MELK: variants seen among roughly 807,000 people sequenced by gnomAD.
MELK encodes maternal embryonic leucine zipper kinase.
Under a neutral mutation model 85.0 loss-of-function variants are expected in MELK, and 81 were observed. The observed-to-expected ratio is 0.95, with a 90% CI of 0.80 to 1.15. The LOEUF is 1.15. Among genes scored for constraint, MELK ranks in the 50% most tolerant of loss-of-function variants. The pLI is 0.00. For missense variants in MELK, 754 were observed against 777.5 expected, an observed-to-expected ratio of 0.97 and a Z score of 0.36; for synonymous variants, 252 against 265.0, an observed-to-expected ratio of 0.95 and a Z score of 0.48.
chr9:36,617,495 G>T (rs1826955828), intron 8 of MELK, among the ~76,000 whole-genome samples: 2 of 152,020 alleles, frequency 1.3e-5, no homozygotes, highest in South Asian at 4.2e-4. Context: ...ACCACACTTG[G>T]CTAATATTTT....
intron 7 of MELK, 32 bp downstream of exon 7, chr9:36,599,518 TCAG>T: frequency 6.5e-7 from 1 of 1,528,256 alleles, no homozygotes; most frequent in Non-Finnish European, 9.1e-7. Context: ...CATTATATAA[TCAG>T]CAGACATTTA....
chr9:36,602,636 C>T (rs1262841124), intron 7 of MELK, among the ~76,000 whole-genome samples: 2 of 149,888 alleles, frequency 1.3e-5, no homozygotes, highest in Admixed American at 1.3e-4. Context: ...CTTGGCTCAC[C>T]GCAACCTCAG....
At chr9:36,631,513 G>A (rs897412957) in intron 9 of MELK, among the ~76,000 whole-genome samples, 1 of 151,598 alleles carries the variant, frequency 6.6e-6, no homozygotes, top group East Asian at 1.9e-4. Flanking sequence ...TGATCCACCC[G>A]CCTTGGCCTC....
chr9:36,592,177 T>C (rs1212923779), intron 4 of MELK, among the ~76,000 whole-genome samples: 21 of 146,170 alleles, frequency 1.4e-4, no homozygotes, highest in South Asian at 2.2e-4. Context: ...CTTTTCTTTT[T>C]TTTTTTTTTT....
At chr9:36,575,013 G>C (rs1821500847) in intron 1 of MELK, among the ~76,000 whole-genome samples, 2 of 152,134 alleles carry the variant, frequency 1.3e-5, no homozygotes, top group Admixed American at 1.3e-4. Flanking sequence ...GCGCACACCT[G>C]TAATCCCAGC....
intron 11 of MELK, among the ~76,000 whole-genome samples, chr9:36,646,805 C>T (rs1371189367): frequency 6.6e-6 from 1 of 152,236 alleles, no homozygotes; most frequent in Non-Finnish European, 1.5e-5. Context: ...GTCTGTGCCC[C>T]TCTGCACTAG....
At chr9:36,673,863 TG>T (rs1833107560) in intron 16 of MELK, among the ~76,000 whole-genome samples, 1 of 152,248 alleles carries the variant, frequency 6.6e-6, no homozygotes. Context: ...GTTTTTTTGT[TG>T]TTGTTGTTAA....
At chr9:36,597,200 C>G (rs1482899203) in intron 5 of MELK, 22 bp from the exon 6 acceptor site, 5 of 1,595,220 alleles carry the variant, frequency 3.1e-6, no homozygotes, top group Non-Finnish European at 4.3e-6. Flanking sequence ...ATACAGTTAT[C>G]AAAATATCTT....
intron 3 of MELK, among the ~76,000 whole-genome samples, chr9:36,588,004 G>A (rs941718993): frequency 3.3e-5 from 5 of 150,148 alleles, no homozygotes; most frequent in East Asian, 4.0e-4. Context: ...CTGACCTCGC[G>A]ATCTGCCCGC....
chr9:36,591,267 C>T (rs995249482), intron 4 of MELK, among the ~76,000 whole-genome samples: 5 of 151,938 alleles, frequency 3.3e-5, no homozygotes, highest in African/African-American at 4.8e-5. Flanking sequence ...TTAGGTGATC[C>T]CTTTGTTCAA....
At chr9:36,622,118 C>CT (rs1827508371) in intron 8 of MELK, among the ~76,000 whole-genome samples, 1 of 152,116 alleles carries the variant, frequency 6.6e-6, no homozygotes, top group South Asian at 2.1e-4. Flanking sequence ...TTCTCCTACT[C>CT]TGAATTTCAT....
intron 2 of MELK, 103 bp from the exon 3 acceptor site, chr9:36,583,524 T>C: frequency 3.2e-6 from 2 of 618,768 alleles, no homozygotes; most frequent in Non-Finnish European, 5.1e-6. Flanking sequence ...CACAAACTTC[T>C]AGGAAAATTT....
rs145569061 is a variant in MELK at position 36,631,432 on chromosome 9, A to G, written c.735+1065A>G. Among the ~76,000 whole-genome samples the G allele has an allele frequency of 8.4e-3, 1,268 of 151,502 alleles. 21 individuals carry two copies. The highest frequency in any genetic ancestry group is 0.026 in the African/African-American group (1,093 of 41,246). On this transcript the variant is annotated intron_variant, in intron 9 of 17. Coordinates refer to ENST00000298048, the MANE Select transcript of MELK (RefSeq NM_014791.4). ...AGGCATGTGCCACCATTCCTGGCCA[A>G]TTTTTGTACTTTTAGTAGAGATGGG...
chr9:36,611,752 C>CTATTAT (rs761980953), intron 8 of MELK, among the ~76,000 whole-genome samples: 13,656 of 145,336 alleles, frequency 0.094, 1,129 homozygotes, highest in African/African-American at 0.23. Context: ...ATAAATGTAG[C>CTATTAT]TATTATTATT....
chr9:36,589,397 C>T (rs1020228930), intron 3 of MELK, 139 bp from the exon 4 acceptor site: 88 of 627,214 alleles, frequency 1.4e-4, no homozygotes, highest in Middle Eastern at 5.3e-4. Context: ...ATCCGCCCGC[C>T]TCGGCCTCCC....
At chr9:36,655,478 G>GAA (rs1491278497) in intron 12 of MELK, among the ~76,000 whole-genome samples, 3 of 140,790 alleles carry the variant, frequency 2.1e-5, no homozygotes, top group African/African-American at 7.7e-5. Context: ...GAGAGAGAGA[G>GAA]AACGCAAGTG....
chr9:36,632,237 C>T (rs1219266023), intron 9 of MELK, among the ~76,000 whole-genome samples: 1 of 152,106 alleles, frequency 6.6e-6, no homozygotes, highest in African/African-American at 2.4e-5. Flanking sequence ...CTTTGAGAAC[C>T]ACAGATTTAT....
intron 8 of MELK, among the ~76,000 whole-genome samples, chr9:36,629,484 AGGTATTT>A (rs1357304053): frequency 1.6e-4 from 25 of 152,296 alleles, no homozygotes; most frequent in African/African-American, 5.5e-4. Context: ...GTCCTAAAAG[AGGTATTT>A]ACCTTAGAAA....
At chr9:36,622,742 A>G (rs1022314002) in intron 8 of MELK, among the ~76,000 whole-genome samples, 8 of 152,246 alleles carry the variant, frequency 5.3e-5, no homozygotes, top group African/African-American at 1.9e-4. Flanking sequence ...TTATGAAATT[A>G]TATTTTTACA....
Sources: allele counts gnomAD v4.1 joint callset (sites outside exome capture counted in the v4.1 genomes callset), GRCh38; gene constraint gnomAD v4.1.1; transcripts MANE v1.5; gene names NCBI Gene and HGNC (gene_info 2026-07-23, HGNC 2026-07-21).